Variants in LMBRD1 observed in about 807,000 individuals in gnomAD.
LMBRD1 encodes the protein LMBR1 domain containing 1.
A neutral mutation model predicts 74.8 loss-of-function variants in LMBRD1; 64 were observed. The observed-to-expected ratio is 0.86, with a 90% CI of 0.70 to 1.05. The LOEUF (loss-of-function observed/expected upper bound fraction) is 1.05. LMBRD1 is among the 50% of genes least tolerant of loss of function. The pLI, the probability that LMBRD1 is intolerant of heterozygous loss-of-function variation, is 0.00. For missense variants in LMBRD1, 652 were observed against 645.9 expected, an observed-to-expected ratio of 1.01 and a Z score of -0.10; for synonymous variants, 204 against 216.3, an observed-to-expected ratio of 0.94 and a Z score of 0.50.
In LMBRD1 at chr6:69,733,536, T is replaced by C. The variant is rs16868111; in HGVS notation, c.636+4406A>G. Reference sequence around the variant, plus strand: ...AAGCTTGGGATCAGGTAATAGATTTTAAACAAACTCAACATTCATGACCAG... The same window carrying C: ...AAGCTTGGGATCAGGTAATAGATTTCAAACAAACTCAACATTCATGACCAG... On this transcript the variant is annotated intron_variant, in intron 7 of 15. Transcript: ENST00000649934. 7.0e-3 allele frequency among the ~76,000 whole-genome samples: 1,071 copies of C among 152,270 alleles called. 23 individuals carry two copies. The East Asian group carries it at 0.079, about 11-fold the overall frequency.
rs1292961460 is a variant in LMBRD1 at position 69,675,281 on chromosome 6, T to C, written c.*877A>G. Among the ~76,000 whole-genome samples the C allele has an allele frequency of 6.6e-6, 1 of 152,214 alleles. No homozygotes were observed. Among genetic ancestry groups the C allele is most frequent in the Non-Finnish European group, 1.5e-5 (1 of 68,020 alleles). Reference sequence around the variant, plus strand: ...TGTTAGTAAACTAGAATATAATTTTTTATTATTTCTCACTATCCAGAATGT... The same window carrying C: ...TGTTAGTAAACTAGAATATAATTTTCTATTATTTCTCACTATCCAGAATGT... On this transcript the variant is annotated 3_prime_UTR_variant, in exon 16 of 16. Coordinates refer to ENST00000649934, the MANE Select transcript of LMBRD1 (RefSeq NM_018368.4).
chr6:69,758,831 C>T (rs1765318528), intron 3 of LMBRD1, among the ~76,000 whole-genome samples: 1 of 152,070 alleles, frequency 6.6e-6, no homozygotes, highest in African/African-American at 2.4e-5. Flanking sequence ...TAATAGATCT[C>T]AACTAACTTT....
intron 3 of LMBRD1, among the ~76,000 whole-genome samples, chr6:69,758,940 C>T (rs1765320290): frequency 6.6e-6 from 1 of 152,074 alleles, no homozygotes; most frequent in African/African-American, 2.4e-5. Flanking sequence ...AACCCTACTT[C>T]CCCTAATAGG....
intron 9 of LMBRD1, among the ~76,000 whole-genome samples, chr6:69,712,721 C>A (rs1262005794): frequency 6.6e-6 from 1 of 151,898 alleles, no homozygotes; most frequent in African/African-American, 2.4e-5. Context: ...CCAGGGAATG[C>A]AGAAAAGAGA....
chr6:69,734,676 G>A (rs1287510413), intron 7 of LMBRD1, among the ~76,000 whole-genome samples: 1 of 152,134 alleles, frequency 6.6e-6, no homozygotes. Context: ...GATTACAGGC[G>A]TGAGCCATTG....
intron 8 of LMBRD1, among the ~76,000 whole-genome samples, chr6:69,716,865 T>C (rs1365664411): frequency 2.9e-5 from 2 of 68,448 alleles, no homozygotes; most frequent in Non-Finnish European, 8.3e-5. Context: ...TAAACTTTAA[T>C]TATTAAATAA....
intron 9 of LMBRD1, chr6:69,705,229 A>G (rs901613590): frequency 1.5e-5 from 10 of 648,016 alleles, no homozygotes; most frequent in Non-Finnish European, 2.9e-5. Flanking sequence ...CCAGATATCA[A>G]CTGCTACAGA....
intron 9 of LMBRD1, among the ~76,000 whole-genome samples, chr6:69,704,047 CTTCTCA>C (rs1207120343): frequency 2.6e-5 from 4 of 151,900 alleles, no homozygotes; most frequent in Non-Finnish European, 5.9e-5. Flanking sequence ...GTGTTGAGTC[CTTCTCA>C]ATACATCATA....
intron 14 of LMBRD1, among the ~76,000 whole-genome samples, chr6:69,686,065 G>C (rs1432423259): frequency 6.6e-6 from 1 of 152,110 alleles, no homozygotes; most frequent in Non-Finnish European, 1.5e-5. Context: ...GTGTGGAGAA[G>C]AAGCGAATAA....
chr6:69,699,267 G>T, intron 12 of LMBRD1, 75 bp from the exon 13 acceptor site: 1 of 1,323,288 alleles, frequency 7.6e-7, no homozygotes, highest in South Asian at 1.2e-5. Flanking sequence ...CTTGTGTTAT[G>T]GGAAATGATT....
intron 3 of LMBRD1, among the ~76,000 whole-genome samples, chr6:69,757,894 A>G (rs1765299601): frequency 6.6e-6 from 1 of 152,196 alleles, no homozygotes; most frequent in African/African-American, 2.4e-5. Context: ...CACTAACATC[A>G]AAGAACACAT....
chr6:69,796,852 C>G lies in LMBRD1; in HGVS notation c.30G>C (p.Glu10Asp). The change falls in exon 1 of 16, where the codon GAG becomes GAC. Residue 10 changes from glutamate to aspartate, a missense_variant. By Grantham distance (45) the Glu-to-Asp change is conservative. Around this residue, in one of 3 missense-constraint regions of LMBRD1, gnomAD observed 598 missense variants for 581.8 expected, o/e 1.03. Transcript: ENST00000649934. The part of the protein sequence containing the change: MATSGAASA[E>D]LVIGWCIFGL... ...CGAATATGCACCAGCCGATCACCAG[C>G]TCCGCCGAGGCCGCGCCAGAAGTCG... 6.2e-7 allele frequency: 1 copy of G among 1,614,176 alleles called. No homozygotes were observed. The highest frequency in any genetic ancestry group is 8.5e-7 in the Non-Finnish European group (1 of 1,180,032).
chr6:69,702,643 A>C (rs1344510928), intron 9 of LMBRD1, among the ~76,000 whole-genome samples: 1 of 152,036 alleles, frequency 6.6e-6, no homozygotes, highest in Non-Finnish European at 1.5e-5. Context: ...AAGTTTCAGA[A>C]TATAAAAGAG....
chr6:69,725,628 T>C (rs189027673), intron 7 of LMBRD1, among the ~76,000 whole-genome samples: 16 of 152,146 alleles, frequency 1.1e-4, no homozygotes, highest in Admixed American at 7.9e-4. Flanking sequence ...AGAACATGCA[T>C]TGAGGAAAAG....
chr6:69,792,830 C>T (rs1420388067), intron 1 of LMBRD1, among the ~76,000 whole-genome samples: 2 of 152,076 alleles, frequency 1.3e-5, no homozygotes, highest in Non-Finnish European at 2.9e-5. Context: ...GGTATTACTG[C>T]AAACAAAGGA....
intron 15 of LMBRD1, 52 bp downstream of exon 15, chr6:69,676,398 A>G (rs1582034060): frequency 6.3e-7 from 1 of 1,583,352 alleles, no homozygotes; most frequent in East Asian, 2.3e-5. Context: ...TTACACATTT[A>G]ACTATAATTT....
At chr6:69,754,302 A>G (rs1032576239) in intron 3 of LMBRD1, among the ~76,000 whole-genome samples, 3 of 152,236 alleles carry the variant, frequency 2.0e-5, no homozygotes, top group African/African-American at 7.2e-5. Context: ...AAATACGGAA[A>G]AAATGCATGT....
chr6:69,793,806 ACCT>A (rs1481945984), intron 1 of LMBRD1, among the ~76,000 whole-genome samples: 2 of 133,860 alleles, frequency 1.5e-5, no homozygotes, highest in Non-Finnish European at 3.1e-5. Context: ...TCCACAAACC[ACCT>A]CCTGGGCTCA....
At chr6:69,709,302 T>C (rs1357926055) in intron 9 of LMBRD1, among the ~76,000 whole-genome samples, 1 of 151,922 alleles carries the variant, frequency 6.6e-6, no homozygotes, top group African/African-American at 2.4e-5. Context: ...ACACCAATTG[T>C]AGACAAACAC....
Sources: allele counts gnomAD v4.1 joint callset (sites outside exome capture counted in the v4.1 genomes callset), GRCh38; gene constraint gnomAD v4.1.1; regional missense constraint gnomAD v4.1.1; transcripts MANE v1.5; gene names NCBI Gene and HGNC (gene_info 2026-07-23, HGNC 2026-07-21).